KCNMA1: variants seen among roughly 807,000 people sequenced by gnomAD.
KCNMA1 encodes Calcium-activated potassium channel subunit alpha-1.
In KCNMA1, 29 loss-of-function variants were observed where a neutral mutation model predicts 140.0. The observed-to-expected ratio is 0.21, with a 90% confidence interval of 0.15 to 0.28. The LOEUF is 0.28. Among genes scored for constraint, KCNMA1 ranks in the 10% least tolerant of loss-of-function variants. The probability of loss-of-function intolerance (pLI) is 1.00; values close to 1 mark genes in which losing one functional copy is unlikely to be tolerated. For missense variants in KCNMA1, 880 were observed against 1,602.2 expected (o/e 0.55, Z 7.70); for synonymous variants, 612 against 611.9 (o/e 1.00, Z 0.00).
intron 1 of KCNMA1, among the ~76,000 whole-genome samples, chr10:77,543,076 A>ATTCTCTCTCTCTTTCTCTCT (rs2060574517): frequency 6.9e-6 from 1 of 144,834 alleles, no homozygotes. Flanking sequence ...TCTTTCTCTC[A>ATTCTCTCTCTCTTTCTCTCT]CAGAAACACA....
At chr10:77,122,659 A>AT (rs1326951978) in intron 5 of KCNMA1, among the ~76,000 whole-genome samples, 1 of 152,228 alleles carries the variant, frequency 6.6e-6, no homozygotes, top group Non-Finnish European at 1.5e-5. Context: ...AAAACATCAC[A>AT]TTGATCATAA....
At chr10:77,547,868 G>A in intron 1 of KCNMA1, among the ~76,000 whole-genome samples, 1 of 152,114 alleles carries the variant, frequency 6.6e-6, no homozygotes, top group Non-Finnish European at 1.5e-5. Context: ...TATAAATAAA[G>A]TTTTATTGGC....
chr10:77,168,911 C>T (rs1345265367), intron 5 of KCNMA1, among the ~76,000 whole-genome samples: 1 of 152,144 alleles, frequency 6.6e-6, no homozygotes, highest in Non-Finnish European at 1.5e-5. Context: ...TGGGTCCTAT[C>T]TTCTTCATGT....
chr10:77,008,194 C>A, intron 18 of KCNMA1: 1 of 1,534,884 alleles, frequency 6.5e-7, no homozygotes, highest in Non-Finnish European at 8.7e-7. Context: ...CAATATATCA[C>A]TACCAGTGTG....
intron 2 of KCNMA1, among the ~76,000 whole-genome samples, chr10:77,256,660 A>G (rs934687773): frequency 1.3e-5 from 2 of 152,196 alleles, no homozygotes; most frequent in African/African-American, 4.8e-5. Flanking sequence ...GGTTTTACAC[A>G]TTCTTCTCAG....
chr10:77,568,145 T>C (rs1186756981), intron 1 of KCNMA1, among the ~76,000 whole-genome samples: 2 of 152,250 alleles, frequency 1.3e-5, no homozygotes, highest in Non-Finnish European at 2.9e-5. Context: ...AGCCGAATTC[T>C]ACCAGAGGTA....
chr10:77,459,368 C>A (rs2097816119), intron 1 of KCNMA1, among the ~76,000 whole-genome samples: 1 of 152,204 alleles, frequency 6.6e-6, no homozygotes, highest in South Asian at 2.1e-4. Context: ...GAGACACAAT[C>A]CAGGCCTTCC....
chr10:77,070,092 A>C (rs906709545), intron 14 of KCNMA1, among the ~76,000 whole-genome samples: 11 of 152,162 alleles, frequency 7.2e-5, no homozygotes. Flanking sequence ...CTTATATTAC[A>C]GGTGTGGGCC....
At chr10:77,565,579 C>T (rs2067980075) in intron 1 of KCNMA1, among the ~76,000 whole-genome samples, 1 of 152,178 alleles carries the variant, frequency 6.6e-6, no homozygotes, top group African/African-American at 2.4e-5. Context: ...AGGGCAGGCC[C>T]TGCCACCAAC....
At chr10:77,468,069 G>A (rs1465353188) in intron 1 of KCNMA1, among the ~76,000 whole-genome samples, 1 of 152,090 alleles carries the variant, frequency 6.6e-6, no homozygotes, top group Non-Finnish European at 1.5e-5. Flanking sequence ...GTGCAGTGGT[G>A]CGATCTTGGC....
intron 1 of KCNMA1, among the ~76,000 whole-genome samples, chr10:77,492,942 A>T (rs1029117453): frequency 6.6e-6 from 1 of 152,252 alleles, no homozygotes; most frequent in African/African-American, 2.4e-5. Flanking sequence ...AATTTTACAA[A>T]GAAATTAAGC....
At chr10:77,463,772 G>C (rs745351953) in intron 1 of KCNMA1, among the ~76,000 whole-genome samples, 11 of 152,252 alleles carry the variant, frequency 7.2e-5, no homozygotes, top group Middle Eastern at 3.4e-3. Flanking sequence ...GGAAGCATAG[G>C]GGGTGGCAGA....
chr10:77,383,135 C>T (rs1276706255), intron 2 of KCNMA1, among the ~76,000 whole-genome samples: 2 of 151,284 alleles, frequency 1.3e-5, no homozygotes, highest in African/African-American at 2.4e-5. Flanking sequence ...TGCCTCCTAA[C>T]AGTCATTTCC....
chr10:77,529,047 A>T (rs1022642331), intron 1 of KCNMA1, among the ~76,000 whole-genome samples: 1 of 152,136 alleles, frequency 6.6e-6, no homozygotes, highest in Admixed American at 6.5e-5. Context: ...GTATACTTAA[A>T]ATCTCACAAT....
chr10:77,624,662 G>T (rs2092191147), intron 1 of KCNMA1, among the ~76,000 whole-genome samples: 1 of 152,126 alleles, frequency 6.6e-6, no homozygotes, highest in Non-Finnish European at 1.5e-5. Context: ...TTGAAATCAT[G>T]AAATCAGAGA....
At chr10:77,586,895 C>T (rs1438016247) in intron 1 of KCNMA1, among the ~76,000 whole-genome samples, 1 of 152,214 alleles carries the variant, frequency 6.6e-6, no homozygotes. Context: ...GGACTCCACT[C>T]TCTTTCCATT....
rs774352020 is a variant in KCNMA1 at position 76,910,041 on chromosome 10, T to C, written c.3072A>G (p.Thr1024=). The part of the protein sequence containing the change: ...LDQDDDDDPD[T]ELYLTQPFAC... ...CAAAGGGCTGCGTGAGGTACAGTTC[T>C]GTATCAGGGTCATCATCATCGTCTT... The change falls in exon 25 of 28, where the codon ACA becomes ACG. Residue 1024 remains threonine (T), a synonymous_variant. Transcript: ENST00000286628. 7 of 1,613,982 alleles carry C rather than the reference T, an allele frequency of 4.3e-6. No individual in the cohort carries two copies. In the African/African-American group the frequency reaches 9.3e-5, roughly 22 times the overall value.
intron 5 of KCNMA1, among the ~76,000 whole-genome samples, chr10:77,123,975 A>C (rs933864935): frequency 6.6e-6 from 1 of 152,180 alleles, no homozygotes; most frequent in Non-Finnish European, 1.5e-5. Context: ...AGATGGAACC[A>C]AGCAGGACAG....
At chr10:77,487,332 C>T (rs934577276) in intron 1 of KCNMA1, among the ~76,000 whole-genome samples, 1 of 152,138 alleles carries the variant, frequency 6.6e-6, no homozygotes, top group African/African-American at 2.4e-5. Context: ...TCAGCCTCTC[C>T]CCTTAGAAAT....
Sources: allele counts gnomAD v4.1 joint callset (sites outside exome capture counted in the v4.1 genomes callset), GRCh38; gene constraint gnomAD v4.1.1; transcripts MANE v1.5; gene names NCBI Gene and HGNC (gene_info 2026-07-23, HGNC 2026-07-21).